ADAMTSL1: variants seen among roughly 807,000 people sequenced by gnomAD.
ADAMTSL1 encodes ADAMTS like 1, also known as ADAMTS-like protein 1.
Under a neutral mutation model 201.8 loss-of-function variants are expected in ADAMTSL1, and 126 were observed. That is an observed-to-expected ratio of 0.62 (90% CI 0.54 to 0.72). ADAMTSL1 has a LOEUF of 0.72. ADAMTSL1 is among the 30% of genes least tolerant of loss of function. ADAMTSL1 has a pLI of 0.00. For missense variants in ADAMTSL1, 2,679 were observed against 2,277.8 expected (o/e 1.18, Z -3.59); for synonymous variants, 1,121 against 903.4 (o/e 1.24, Z -4.32).
At chr9:18,815,711 C>CAAAAAAAAAAAAAAAAAAAAAAA (rs35926602) in intron 20 of ADAMTSL1, among the ~76,000 whole-genome samples, 3 of 67,934 alleles carry the variant, frequency 4.4e-5, no homozygotes, top group Non-Finnish European at 5.7e-5. Flanking sequence ...AACCCTGTCT[C>CAAAAAAAAAAAAAAAAAAAAAAA]AAAAAAAAAA....
chr9:17,979,179 T>G (rs571336769), intron 1 of ADAMTSL1, among the ~76,000 whole-genome samples: 108 of 152,252 alleles, frequency 7.1e-4, no homozygotes, highest in African/African-American at 2.4e-3. Flanking sequence ...TTGGAGACTT[T>G]CAGGATTCAT....
At chr9:18,867,859 C>G (rs182417888) in intron 23 of ADAMTSL1, among the ~76,000 whole-genome samples, 2 of 152,156 alleles carry the variant, frequency 1.3e-5, no homozygotes, top group Admixed American at 6.5e-5. Flanking sequence ...AACTCCTGAC[C>G]TCGTGATCCA....
chr9:18,428,875 C>T (rs2133393201), intron 2 of ADAMTSL1, among the ~76,000 whole-genome samples: 1 of 152,316 alleles, frequency 6.6e-6, no homozygotes. Flanking sequence ...CAAAGCATAA[C>T]TCTCAGAGTT....
intron 2 of ADAMTSL1, among the ~76,000 whole-genome samples, chr9:18,256,503 C>T (rs1323119839): frequency 6.6e-6 from 1 of 152,182 alleles, no homozygotes; most frequent in Non-Finnish European, 1.5e-5. Context: ...TGAACCTTCT[C>T]TGTCTAAAAC....
intron 2 of ADAMTSL1, among the ~76,000 whole-genome samples, chr9:18,521,750 TA>T (rs1818706297): frequency 1.3e-5 from 2 of 152,134 alleles, no homozygotes. Flanking sequence ...TGTTATAAAT[TA>T]GAATTAAATA....
intron 2 of ADAMTSL1, among the ~76,000 whole-genome samples, chr9:18,397,077 C>G (rs116620755): frequency 6.6e-6 from 1 of 150,924 alleles, no homozygotes; most frequent in Non-Finnish European, 1.5e-5. Flanking sequence ...TATTTTTTAA[C>G]CCCTATGCAT....
chr9:18,316,431 C>G (rs1834397943), intron 2 of ADAMTSL1, among the ~76,000 whole-genome samples: 1 of 151,996 alleles, frequency 6.6e-6, no homozygotes, highest in African/African-American at 2.4e-5. Context: ...CCTGGGGGGG[C>G]CGTTTATAGG....
At chr9:18,872,615 G>A (rs556293018) in intron 23 of ADAMTSL1, among the ~76,000 whole-genome samples, 6 of 152,222 alleles carry the variant, frequency 3.9e-5, no homozygotes, top group South Asian at 2.1e-4. Context: ...GAGTTACTTC[G>A]CTTAGAATAG....
At chr9:18,672,489 G>GT (rs1449354065) in intron 9 of ADAMTSL1, among the ~76,000 whole-genome samples, 15 of 152,062 alleles carry the variant, frequency 9.9e-5, no homozygotes, top group Non-Finnish European at 2.1e-4. Flanking sequence ...ACTGTTGAGA[G>GT]TTTTTTATAT....
chr9:18,308,532 A>C (rs1275236817), intron 2 of ADAMTSL1, among the ~76,000 whole-genome samples: 1 of 152,146 alleles, frequency 6.6e-6, no homozygotes, highest in East Asian at 1.9e-4. Context: ...CAGAAATACA[A>C]ACTACCATCA....
chr9:18,686,966 C>A (rs2133212539), intron 13 of ADAMTSL1, among the ~76,000 whole-genome samples: 1 of 152,220 alleles, frequency 6.6e-6, no homozygotes, highest in Admixed American at 6.5e-5. Context: ...GAAAGTATAG[C>A]CATATATTAA....
At chr9:17,995,465 A>G (rs558108511) in intron 1 of ADAMTSL1, among the ~76,000 whole-genome samples, 8 of 152,278 alleles carry the variant, frequency 5.3e-5, no homozygotes, top group African/African-American at 1.9e-4. Flanking sequence ...GAACTGAAAG[A>G]CTTAGTAAGG....
chr9:18,852,788 G>A (rs1826581814), intron 23 of ADAMTSL1, among the ~76,000 whole-genome samples: 2 of 152,156 alleles, frequency 1.3e-5, no homozygotes, highest in Admixed American at 1.3e-4. Flanking sequence ...TGACCCTCAG[G>A]ACTGATTTGA....
At chr9:18,220,035 T>C (rs1210566684) in intron 2 of ADAMTSL1, among the ~76,000 whole-genome samples, 1 of 152,184 alleles carries the variant, frequency 6.6e-6, no homozygotes, top group African/African-American at 2.4e-5. Context: ...CTAGCTACCT[T>C]GGCCTAGAGT....
intron 1 of ADAMTSL1, among the ~76,000 whole-genome samples, chr9:17,913,587 C>T (rs1323889989): frequency 6.6e-6 from 1 of 152,100 alleles, no homozygotes; most frequent in Non-Finnish European, 1.5e-5. Flanking sequence ...CCAAAATTGA[C>T]ACCCTAACAT....
chr9:18,178,722 G>A (rs1828299959), intron 2 of ADAMTSL1, among the ~76,000 whole-genome samples: 1 of 152,018 alleles, frequency 6.6e-6, no homozygotes, highest in African/African-American at 2.4e-5. Flanking sequence ...CCTGACCCCT[G>A]ACCCCCGAGC....
intron 13 of ADAMTSL1, among the ~76,000 whole-genome samples, chr9:18,703,835 A>G (rs1258196157): frequency 2.7e-5 from 4 of 150,552 alleles, no homozygotes; most frequent in Admixed American, 6.6e-5. Flanking sequence ...TGCTTTTGGT[A>G]TATCTTCTTG....
intron 1 of ADAMTSL1, among the ~76,000 whole-genome samples, chr9:17,968,524 G>C (rs1189843102): frequency 6.6e-6 from 1 of 152,058 alleles, no homozygotes; most frequent in Non-Finnish European, 1.5e-5. Flanking sequence ...AGTGTGCATT[G>C]TTTCATCTGG....
chr9:18,527,280 TAA>T (rs1819138991), intron 2 of ADAMTSL1, among the ~76,000 whole-genome samples: 1 of 152,186 alleles, frequency 6.6e-6, no homozygotes, highest in Non-Finnish European at 1.5e-5. Context: ...CAATCAGAGA[TAA>T]AGCCTGGGGT....
Sources: gnomAD v4.1 joint callset for allele counts (sites outside exome capture counted in the v4.1 genomes callset) on GRCh38, gnomAD v4.1.1 for gene constraint, MANE v1.5 for transcripts, NCBI Gene and HGNC (gene_info 2026-07-23, HGNC 2026-07-21) for gene names.